NCOA4: variants seen among roughly 807,000 people sequenced by gnomAD.
The protein encoded by NCOA4 is 70 kDa AR-activator.
A neutral mutation model predicts 69.5 loss-of-function variants in NCOA4; 31 were observed. That is an observed-to-expected ratio of 0.45 (90% confidence interval 0.34 to 0.60). NCOA4 has a LOEUF of 0.60. Among genes scored for constraint, NCOA4 ranks in the 20% least tolerant of loss-of-function variants. The pLI is 0.02. For synonymous variants in NCOA4, 228 were observed against 252.4 expected (o/e 0.90, Z 0.92); for missense variants, 600 against 719.2 (o/e 0.83, Z 1.90).
At chr10:46,015,745 C>T (rs1839504374) in intron 2 of NCOA4, among the ~76,000 whole-genome samples, 1 of 152,336 alleles carries the variant, frequency 6.6e-6, no homozygotes, top group South Asian at 2.1e-4. Flanking sequence ...AGCCCCTTAT[C>T]TCTTTTCTCA....
At chr10:46,008,932 A>G (rs1311370038) in intron 9 of NCOA4, among the ~76,000 whole-genome samples, 1 of 152,252 alleles carries the variant, frequency 6.6e-6, no homozygotes, top group Non-Finnish European at 1.5e-5. Context: ...GATGACCATC[A>G]GCATTTTGTA....
intron 9 of NCOA4, among the ~76,000 whole-genome samples, chr10:46,006,980 G>A (rs770955587): frequency 6.6e-6 from 1 of 152,186 alleles, no homozygotes; most frequent in Non-Finnish European, 1.5e-5. Context: ...AACTTAGCGA[G>A]AAAGTCATGT....
chr10:46,014,564 AAAAC>A lies in NCOA4; in HGVS notation c.372-16_372-13del, dbSNP rs1839424290. ...TCAAACTGCCCAGTCTGGGGAAAAA[AAAAC>A]AAAATTGGCTATTTTTAAGGAATAT... On this transcript the variant is annotated splice_polypyrimidine_tract_variant and intron_variant, in intron 4 of 9. Transcript: ENST00000581486. The A allele has an allele frequency of 1.3e-6, 2 of 1,573,902 alleles. No individual in the cohort carries two copies. Among genetic ancestry groups the A allele is most frequent in the Admixed American group, 1.9e-5 (1 of 52,552 alleles).
chr10:46,020,614 G>A lies in NCOA4; in HGVS notation c.-14-3920C>T, dbSNP rs541859074. On this transcript the variant is annotated intron_variant, in intron 1 of 9. Transcript: ENST00000581486. ...AGACTCACAGACTTAGGGGTAAGGAGGTCGTGCTTATTTAATAAATATTAG... is the reference window on the plus strand; with the variant it reads ...AGACTCACAGACTTAGGGGTAAGGAAGTCGTGCTTATTTAATAAATATTAG... 2.8e-4 allele frequency among the ~76,000 whole-genome samples: 43 copies of A among 152,280 alleles called. No individual in the cohort carries two copies. In the South Asian group the frequency reaches 7.5e-3, roughly 26 times the overall value.
chr10:46,022,380 T>C (rs1590175446), intron 1 of NCOA4: 1 of 447,394 alleles, frequency 2.2e-6, no homozygotes, highest in Non-Finnish European at 4.5e-6. Flanking sequence ...AAAAAAATTA[T>C]GTTAAAAAAT....
chr10:46,023,849 T>G (rs1267696466), intron 1 of NCOA4, among the ~76,000 whole-genome samples: 1 of 152,240 alleles, frequency 6.6e-6, no homozygotes, highest in Admixed American at 6.5e-5. Flanking sequence ...TTCCCTTTTC[T>G]CCAAGATAAT....
rs1247924994 is a variant in NCOA4 at position 46,006,223 on chromosome 10, A to C, written c.*369T>G. 2 of 282,680 alleles carry C rather than the reference A, an allele frequency of 7.1e-6. No individual in the cohort carries two copies. Among genetic ancestry groups the C allele is most frequent in the Non-Finnish European group, 1.4e-5 (2 of 147,752 alleles). The allele number at this position is 282,680 out of a possible 1,614,324, so 17.5% of individuals were successfully genotyped here. ...CGTTAGGGAAGTTTACTAGCTTTAGAATACATCAATATACTTCGATAAACA... is the reference window on the plus strand; with the variant it reads ...CGTTAGGGAAGTTTACTAGCTTTAGCATACATCAATATACTTCGATAAACA... On this transcript the variant is annotated 3_prime_UTR_variant, in exon 10 of 10. Coordinates refer to ENST00000581486, the MANE Select transcript of NCOA4 (RefSeq NM_001145263.2).
In NCOA4 at chr10:46,015,345, A is replaced by G; in HGVS notation, c.142-79T>C. 2 of 447,468 alleles carry G rather than the reference A, an allele frequency of 4.5e-6. 1 individual carries two copies. Among genetic ancestry groups the G allele is most frequent in the South Asian group, 6.4e-5 (2 of 31,142 alleles). The allele number at this position is 447,468 out of a possible 1,614,324, so 27.7% of individuals were successfully genotyped here. On this transcript the variant is annotated intron_variant, in intron 2 of 9. Coordinates refer to ENST00000581486, the MANE Select transcript of NCOA4 (RefSeq NM_001145263.2). ...TCCCAAAGAATAGTGAGTTTCTAAA[A>G]CTTTTTTTGGGGGGGTGGGGTTGGG...
At chr10:46,025,717 A>G (rs1257345604) in intron 1 of NCOA4, among the ~76,000 whole-genome samples, 1 of 152,178 alleles carries the variant, frequency 6.6e-6, no homozygotes, top group Non-Finnish European at 1.5e-5. Flanking sequence ...TCACTCCTCA[A>G]TACTTTTGGC....
At chr10:46,029,686 G>A (rs1840353053) in intron 1 of NCOA4, among the ~76,000 whole-genome samples, 1 of 152,206 alleles carries the variant, frequency 6.6e-6, no homozygotes, top group African/African-American at 2.4e-5. Context: ...TTTGGGGTCA[G>A]ATAAATTCAG....
Position 46,029,482 on chromosome 10 carries a change from A to C in NCOA4, c.-15+1044T>G, listed in dbSNP as rs189695817. Among the ~76,000 whole-genome samples, 371 of 152,318 alleles carry C rather than the reference A, an allele frequency of 2.4e-3. 3 individuals carry two copies. Among genetic ancestry groups the C allele is most frequent in the Non-Finnish European group, 3.7e-3 (253 of 68,024 alleles). On this transcript the variant is annotated intron_variant, in intron 1 of 9. Coordinates refer to ENST00000581486, the MANE Select transcript of NCOA4 (RefSeq NM_001145263.2). Reference sequence around the variant, plus strand: ...AATGTCACACTAGGATCTCGGTATAAAAATGGGCCAACTATGACTTCCTGT... The same window carrying C: ...AATGTCACACTAGGATCTCGGTATACAAATGGGCCAACTATGACTTCCTGT...
chr10:46,006,621 A>G (rs1239655785), intron 9 of NCOA4, 24 bp from the exon 10 acceptor site: 7 of 1,613,798 alleles, frequency 4.3e-6, no homozygotes, highest in Middle Eastern at 1.7e-4. Context: ...CCCACAGATG[A>G]TAAGTTACTT....
chr10:46,006,978 G>A (rs782253588), intron 9 of NCOA4, among the ~76,000 whole-genome samples: 3 of 152,178 alleles, frequency 2.0e-5, no homozygotes, highest in African/African-American at 4.8e-5. Flanking sequence ...TAAACTTAGC[G>A]AGAAAGTCAT....
Position 46,010,509 on chromosome 10 carries a change from G to A in NCOA4, c.1412C>T (p.Thr471Ile), listed in dbSNP as rs1554921007. 6.2e-7 allele frequency: 1 copy of A among 1,614,198 alleles called. No homozygotes were observed. The highest frequency in any genetic ancestry group is 1.1e-5 in the South Asian group (1 of 91,082). The change falls in exon 8 of 10, where the codon ACT becomes ATT. Residue 471 changes from threonine to isoleucine, a missense_variant. Thr to Ile is a moderately conservative substitution (Grantham distance 89). Coordinates refer to ENST00000581486, the MANE Select transcript of NCOA4 (RefSeq NM_001145263.2). ...AGGAGTCATTGCCTTTGGTGCTTTA[G>A]TTTGTTCTATTACTTCTTTTCTAGG... ...LCPRKEVIEQ[T>I]KAPKAMTPSR... is the part of the protein sequence containing the mutation.
rs1277633957 is a variant in NCOA4, at chr10:46,005,097, T to A, written c.*1495A>T. On this transcript the variant is annotated 3_prime_UTR_variant, in exon 10 of 10. Transcript: ENST00000581486. ...AATAACACGCAACAACTATGGCTGT[T>A]ATGCTTTTAATGGAAGCAGATACAA... is the stretch of plus-strand genomic sequence containing the variant. 1 of 186,110 alleles carries A rather than the reference T, an allele frequency of 5.4e-6. No homozygotes were observed. Among genetic ancestry groups the A allele is most frequent in the Non-Finnish European group, 1.1e-5 (1 of 88,012 alleles). The allele number at this position is 186,110 out of a possible 1,614,324, so 11.5% of individuals were successfully genotyped here. A position where few individuals can be genotyped will look rare whatever the true frequency, so the allele number is the denominator to read the frequency against.
Position 46,025,053 on chromosome 10 carries a change from G to A in NCOA4, c.-15+5473C>T, listed in dbSNP as rs145539068. On this transcript the variant is annotated intron_variant, in intron 1 of 9. Transcript: ENST00000581486. ...TAGCAGGCTGAGACATCCCATGACA[G>A]GCTGTCTGCAAGCTGGAGACCCTGG... Among the ~76,000 whole-genome samples, 6 of 152,318 alleles carry A rather than the reference G, an allele frequency of 3.9e-5. No individual in the cohort carries two copies. In the South Asian group the frequency reaches 1.2e-3, roughly 32 times the overall value.
Position 46,006,329 on chromosome 10 carries a change from T to C in NCOA4, c.*263A>G. 2.0e-6 allele frequency: 1 copy of C among 501,320 alleles called. No homozygotes were observed. 31.1% of individuals were successfully genotyped at this position (501,320 alleles called of 1,614,324 possible). A position where few individuals can be genotyped will look rare whatever the true frequency, so the allele number is the denominator to read the frequency against. On this transcript the variant is annotated 3_prime_UTR_variant, in exon 10 of 10. Transcript: ENST00000581486. Reference sequence around the variant, plus strand: ...GTGAAAAAGACGTCCACAAAGATGCTGCATTTCTAGTGTGGGGTGAATTAA... The same window carrying C: ...GTGAAAAAGACGTCCACAAAGATGCCGCATTTCTAGTGTGGGGTGAATTAA...
At position 46,006,229 on chromosome 10, in the gene NCOA4, TC is replaced by T. The variant is rs1289159665; in HGVS notation, c.*362del. 1 of 312,472 alleles carries T rather than the reference TC, an allele frequency of 3.2e-6. No individual in the cohort carries two copies. Among genetic ancestry groups the T allele is most frequent in the African/African-American group, 2.0e-5 (1 of 48,790 alleles). 19.4% of individuals were successfully genotyped at this position (312,472 alleles called of 1,614,324 possible). ...GGAAGTTTACTAGCTTTAGAATACA[TC>T]AATATACTTCGATAAACAAGAGTGT... On this transcript the variant is annotated 3_prime_UTR_variant, in exon 10 of 10. Coordinates refer to ENST00000581486, the MANE Select transcript of NCOA4 (RefSeq NM_001145263.2).
intron 1 of NCOA4, among the ~76,000 whole-genome samples, chr10:46,025,813 T>A (rs1269655751): frequency 6.6e-6 from 1 of 152,202 alleles, no homozygotes; most frequent in Non-Finnish European, 1.5e-5. Context: ...GTTACCCTAT[T>A]GTTACATGCC....
Sources: gnomAD v4.1 joint callset for allele counts (sites outside exome capture counted in the v4.1 genomes callset) on GRCh38, gnomAD v4.1.1 for gene constraint, MANE v1.5 for transcripts, NCBI Gene and HGNC (gene_info 2026-07-23, HGNC 2026-07-21) for gene names.